The following CNTNAP5 variants were observed in gnomAD, a reference collection of about 807,000 sequenced individuals.
CNTNAP5 encodes contactin-associated protein-like 5.
CNTNAP5 carries 72 observed loss-of-function variants against 150.2 expected under a neutral mutation model. The observed-to-expected ratio is 0.48, with a 90% CI of 0.40 to 0.58. The LOEUF is 0.58. Ranked by LOEUF, CNTNAP5 falls within the 20% of genes least tolerant of loss-of-function variation. The pLI is 0.00. For missense variants in CNTNAP5, 1,636 were observed against 1,626.2 expected, an observed-to-expected ratio of 1.01 and a Z score of -0.10; for synonymous variants, 672 against 619.8, an observed-to-expected ratio of 1.08 and a Z score of -1.25.
rs920922837 is a variant in CNTNAP5 at position 124,747,362 on chromosome 2, T to G, written c.2211T>G (p.Asn737Lys). The change falls in exon 14 of 24, where the codon AAT becomes AAG. Residue 737 changes from asparagine to lysine, a missense_variant. By Grantham distance (94) the Asn-to-Lys change is moderately conservative (BLOSUM62 0). Transcript: ENST00000682447. ...GCCTGGACATTCAGCACTTTTGCAA[T>G]TGCGACGCTGACAAGGATGAATGGT... ...ESCLDIQHFCNCDADKDEWTN... is the reference protein window; with the variant it reads ...ESCLDIQHFCKCDADKDEWTN... 1.9e-6 allele frequency: 3 copies of G among 1,613,698 alleles called. No homozygotes were observed. The highest frequency in any genetic ancestry group is 2.7e-5 in the African/African-American group (2 of 74,920).
Position 124,916,288 on chromosome 2 carries a change from A to ATAAGATGAATGATTCTTTAG in CNTNAP5, c.*2010_*2029dup, listed in dbSNP as rs1678767374. 6.6e-6 allele frequency among the ~76,000 whole-genome samples: 1 copy of ATAAGATGAATGATTCTTTAG among 152,088 alleles called. No homozygotes were observed. Among genetic ancestry groups the ATAAGATGAATGATTCTTTAG allele is most frequent in the Non-Finnish European group, 1.5e-5 (1 of 67,986 alleles). On this transcript the variant is annotated 3_prime_UTR_variant, in exon 24 of 24. Coordinates refer to ENST00000682447, the MANE Select transcript of CNTNAP5 (RefSeq NM_001367498.1). ...TATCATTTCTCTCCTTTTAGTTTTAATAAGATGAATGATTCTTTAGTAAGA... is the reference window on the plus strand; with the variant it reads ...TATCATTTCTCTCCTTTTAGTTTTAATAAGATGAATGATTCTTTAGTAAGATGAATGATTCTTTAGTAAGA...
intron 8 of CNTNAP5, among the ~76,000 whole-genome samples, chr2:124,520,999 G>A (rs1423331453): frequency 6.6e-6 from 1 of 152,196 alleles, no homozygotes; most frequent in South Asian, 2.1e-4. Flanking sequence ...AGGTGAAAGT[G>A]GAGATTTTTA....
intron 3 of CNTNAP5, among the ~76,000 whole-genome samples, chr2:124,274,903 C>T (rs780037): frequency 0.8 from 120,980 of 152,038 alleles, 48,263 homozygotes; most frequent in South Asian, 0.9. Flanking sequence ...ACTGTATTAA[C>T]CCATTTTCAT....
At chr2:124,174,438 A>T (rs1685014141) in intron 1 of CNTNAP5, among the ~76,000 whole-genome samples, 1 of 152,224 alleles carries the variant, frequency 6.6e-6, no homozygotes, top group Admixed American at 6.5e-5. Flanking sequence ...AAAAATATCA[A>T]CATTAACAGG....
chr2:124,897,007 T>C (rs1678320225), intron 21 of CNTNAP5, among the ~76,000 whole-genome samples: 1 of 151,648 alleles, frequency 6.6e-6, no homozygotes, highest in African/African-American at 2.4e-5. Context: ...CATGTAACCA[T>C]CTTCTATTCA....
At chr2:124,592,698 A>G (rs904221919) in intron 11 of CNTNAP5, among the ~76,000 whole-genome samples, 3 of 151,648 alleles carry the variant, frequency 2.0e-5, no homozygotes, top group Admixed American at 6.6e-5. Flanking sequence ...ATTAGCACTT[A>G]TTTTTCTATA....
At chr2:124,462,855 G>A (rs767450786) in intron 6 of CNTNAP5, among the ~76,000 whole-genome samples, 6 of 152,138 alleles carry the variant, frequency 3.9e-5, no homozygotes, top group African/African-American at 9.7e-5. Flanking sequence ...ATCCATTCAC[G>A]CCCATACCCC....
chr2:124,826,731 T>C (rs539362928), intron 19 of CNTNAP5, among the ~76,000 whole-genome samples: 6 of 152,068 alleles, frequency 3.9e-5, no homozygotes, highest in Non-Finnish European at 5.9e-5. Context: ...TAGGTGATCC[T>C]CCTATTTGAA....
chr2:124,340,836 C>T (rs974249771), intron 3 of CNTNAP5, among the ~76,000 whole-genome samples: 17 of 142,570 alleles, frequency 1.2e-4, no homozygotes, highest in Non-Finnish European at 1.7e-4. Flanking sequence ...TATGCGTGTG[C>T]GTGTGTATAT....
rs534681086 is a variant in CNTNAP5 at position 124,905,149 on chromosome 2, G to A, written c.3655+2049G>A. 7.5e-4 allele frequency among the ~76,000 whole-genome samples: 106 copies of A among 141,580 alleles called. 2 individuals carry two copies. Among genetic ancestry groups the A allele is most frequent in the East Asian group, 2.0e-4 (1 of 5,042 alleles). The allele number at this position is 141,580 out of a possible 152,430, so 92.9% of individuals were successfully genotyped here. On this transcript the variant is annotated intron_variant, in intron 22 of 23. Transcript: ENST00000682447. ...TTGTTTTTTTTTTTTTCCACAAAAG[G>A]CATACAAACATCCAACAGGTACATG...
At chr2:124,221,152 G>C (rs1439540830) in intron 1 of CNTNAP5, among the ~76,000 whole-genome samples, 3 of 152,074 alleles carry the variant, frequency 2.0e-5, no homozygotes, top group Non-Finnish European at 4.4e-5. Context: ...ACTGCTTCAC[G>C]GAATAGAAAT....
rs192316695 is a variant in CNTNAP5, at chr2:124,414,815, A to T, written c.382-2628A>T. On this transcript the variant is annotated intron_variant, in intron 3 of 23. Transcript: ENST00000682447. ...TTGAAGGTGGATAAGTTTCTACTGC[A>T]CATTTGGATTAGATAAATAATGCTA... is the stretch of plus-strand genomic sequence containing the variant. Among the ~76,000 whole-genome samples the T allele has an allele frequency of 2.7e-3, 413 of 152,218 alleles. 1 individual carries two copies. Among genetic ancestry groups the T allele is most frequent in the Non-Finnish European group, 4.5e-3 (303 of 68,002 alleles).
chr2:124,353,609 C>T (rs1405744160), intron 3 of CNTNAP5, among the ~76,000 whole-genome samples: 1 of 152,254 alleles, frequency 6.6e-6, no homozygotes, highest in African/African-American at 2.4e-5. Context: ...TCTCTCCGTG[C>T]ATCTCCATGA....
At chr2:124,123,782 C>G (rs770705900) in intron 1 of CNTNAP5, among the ~76,000 whole-genome samples, 1 of 152,168 alleles carries the variant, frequency 6.6e-6, no homozygotes, top group Non-Finnish European at 1.5e-5. Context: ...TAGTGATACC[C>G]AGGCAAATAG....
chr2:124,834,046 G>A (rs1006780498), intron 19 of CNTNAP5, among the ~76,000 whole-genome samples: 1 of 152,180 alleles, frequency 6.6e-6, no homozygotes, highest in Admixed American at 6.5e-5. Flanking sequence ...AACAAAGGAA[G>A]AAATGTAAGC....
At chr2:124,727,671 G>T (rs570524636) in intron 13 of CNTNAP5, among the ~76,000 whole-genome samples, 6 of 151,992 alleles carry the variant, frequency 3.9e-5, no homozygotes, top group African/African-American at 1.4e-4. Context: ...TTCATTTTCT[G>T]CAACTTTACC....
At chr2:124,483,453 G>A (rs1486765764) in intron 7 of CNTNAP5, among the ~76,000 whole-genome samples, 1 of 152,202 alleles carries the variant, frequency 6.6e-6, no homozygotes, top group African/African-American at 2.4e-5. Context: ...TCAACTCCAG[G>A]CATTGTGGAG....
intron 19 of CNTNAP5, among the ~76,000 whole-genome samples, chr2:124,802,642 C>A (rs1476002446): frequency 1.3e-5 from 2 of 152,162 alleles, no homozygotes; most frequent in African/African-American, 4.8e-5. Flanking sequence ...GAGATGAGCT[C>A]ATTCTCAAGA....
At chr2:124,413,245 G>C (rs904758415) in intron 3 of CNTNAP5, among the ~76,000 whole-genome samples, 2 of 150,116 alleles carry the variant, frequency 1.3e-5, no homozygotes, top group Non-Finnish European at 3.0e-5. Flanking sequence ...GTGCTGGAGA[G>C]GATGTGGAGA....
Sources: gnomAD v4.1 joint callset for allele counts (sites outside exome capture counted in the v4.1 genomes callset) on GRCh38, gnomAD v4.1.1 for gene constraint, MANE v1.5 for transcripts, NCBI Gene and HGNC (gene_info 2026-07-23, HGNC 2026-07-21) for gene names.